Variants in PTPRG observed in about 807,000 individuals in gnomAD.
PTPRG encodes receptor-type tyrosine-protein phosphatase gamma.
Under a neutral mutation model 165.3 loss-of-function variants are expected in PTPRG, and 102 were observed. The ratio of observed to expected loss-of-function variants is 0.62; its 90% confidence interval spans 0.53 to 0.73. The LOEUF (loss-of-function observed/expected upper bound fraction) is 0.73, where lower values mean the gene tolerates loss of function less well. PTPRG is among the 30% of genes least tolerant of loss of function. The pLI is 0.00. For missense variants in PTPRG, 1,866 were observed against 1,861.4 expected, an observed-to-expected ratio of 1.00 and a Z score of -0.05; for synonymous variants, 675 against 669.5, an observed-to-expected ratio of 1.01 and a Z score of -0.13.
At chr3:61,988,968 T>G (rs1026699704) in intron 2 of PTPRG, among the ~76,000 whole-genome samples, 1 of 152,208 alleles carries the variant, frequency 6.6e-6, no homozygotes, top group Non-Finnish European at 1.5e-5. Flanking sequence ...ATTCTTTATT[T>G]ATATGAGTAC....
At chr3:62,115,752 G>A (rs1008795173) in intron 5 of PTPRG, among the ~76,000 whole-genome samples, 1 of 151,726 alleles carries the variant, frequency 6.6e-6, no homozygotes, top group Non-Finnish European at 1.5e-5. Context: ...GCCCAGGCAG[G>A]TCTTGAACTC....
chr3:61,826,424 T>C (rs1159693091), intron 2 of PTPRG, among the ~76,000 whole-genome samples: 2 of 152,100 alleles, frequency 1.3e-5, no homozygotes, highest in Non-Finnish European at 2.9e-5. Flanking sequence ...CATTGGGAAA[T>C]GCATTTATCC....
chr3:61,927,157 C>T (rs576666022), intron 2 of PTPRG, among the ~76,000 whole-genome samples: 1 of 152,150 alleles, frequency 6.6e-6, no homozygotes, highest in Non-Finnish European at 1.5e-5. Flanking sequence ...TTCATTTGAT[C>T]TTTTCCATCG....
At chr3:62,244,582 A>G (rs1701248473) in intron 15 of PTPRG, among the ~76,000 whole-genome samples, 1 of 152,144 alleles carries the variant, frequency 6.6e-6, no homozygotes, top group Non-Finnish European at 1.5e-5. Context: ...TTTTAGATAC[A>G]TCTATCCTCT....
intron 2 of PTPRG, among the ~76,000 whole-genome samples, chr3:61,827,008 A>T (rs1331317879): frequency 6.6e-6 from 1 of 152,158 alleles, no homozygotes; most frequent in Non-Finnish European, 1.5e-5. Context: ...TCTCAAACTC[A>T]ATCAGGCAAC....
intron 2 of PTPRG, among the ~76,000 whole-genome samples, chr3:61,778,837 A>G (rs1402493275): frequency 1.3e-5 from 2 of 152,110 alleles, no homozygotes; most frequent in East Asian, 3.9e-4. Context: ...ACCAACAAGT[A>G]TCAGGACCAC....
At chr3:62,105,955 A>T (rs1702459647) in intron 5 of PTPRG, among the ~76,000 whole-genome samples, 1 of 152,240 alleles carries the variant, frequency 6.6e-6, no homozygotes, top group Non-Finnish European at 1.5e-5. Context: ...GATGTCTGGT[A>T]GGATTAGTTT....
In PTPRG at chr3:61,759,656, AAATAAT is replaced by A. The variant is rs1409445232; in HGVS notation, c.190+10683_190+10688del. 3.3e-5 allele frequency among the ~76,000 whole-genome samples: 5 copies of A among 152,220 alleles called. No homozygotes were observed. The East Asian group carries it at 5.8e-4, about 18-fold the overall frequency. Reference sequence around the variant, plus strand: ...GTGGCAGAGTGAGACCCTGTCTCAAAAATAATAATAATAAGAATACTAACAATGTAT... The same window carrying A: ...GTGGCAGAGTGAGACCCTGTCTCAAAAATAATAAGAATACTAACAATGTAT... On this transcript the variant is annotated intron_variant, in intron 2 of 29. Transcript: ENST00000474889.
chr3:61,595,048 T>C (rs1361300910), intron 1 of PTPRG, among the ~76,000 whole-genome samples: 1 of 152,208 alleles, frequency 6.6e-6, no homozygotes, highest in Admixed American at 6.5e-5. Flanking sequence ...TATTTACAGA[T>C]GTTTGTCATT....
At chr3:61,845,787 G>A (rs1163787015) in intron 2 of PTPRG, among the ~76,000 whole-genome samples, 3 of 152,144 alleles carry the variant, frequency 2.0e-5, no homozygotes, top group Non-Finnish European at 4.4e-5. Context: ...TAAGTTGTAC[G>A]AAATCAAATG....
At chr3:62,152,048 C>T (rs767039060) in intron 6 of PTPRG, among the ~76,000 whole-genome samples, 1 of 152,096 alleles carries the variant, frequency 6.6e-6, no homozygotes, top group Middle Eastern at 3.2e-3. Flanking sequence ...GCACTTCTCC[C>T]CATTTTATAA....
At chr3:61,600,196 G>A (rs919566027) in intron 1 of PTPRG, among the ~76,000 whole-genome samples, 3 of 148,618 alleles carry the variant, frequency 2.0e-5, no homozygotes, top group East Asian at 2.0e-4. Context: ...ATATATATGT[G>A]TGTGTGTGTG....
intron 4 of PTPRG, among the ~76,000 whole-genome samples, chr3:62,049,370 GAGAAGGATTTATTC>G (rs1700399577): frequency 6.6e-6 from 1 of 152,184 alleles, no homozygotes; most frequent in Non-Finnish European, 1.5e-5. Context: ...ATACTGGGTA[GAGAAGGATTTATTC>G]AGAAGTAATT....
intron 23 of PTPRG, among the ~76,000 whole-genome samples, chr3:62,275,092 T>C (rs1001874264): frequency 2.6e-5 from 4 of 152,154 alleles, no homozygotes; most frequent in Admixed American, 1.3e-4. Flanking sequence ...ACTGATCTCA[T>C]ATACTCCATT....
At chr3:61,565,067 C>T (rs1309586254) in intron 1 of PTPRG, among the ~76,000 whole-genome samples, 3 of 152,180 alleles carry the variant, frequency 2.0e-5, no homozygotes, top group African/African-American at 7.2e-5. Flanking sequence ...TTTGTGTTTC[C>T]TCTCAGAATC....
chr3:61,963,106 A>G (rs1314538206), intron 2 of PTPRG, among the ~76,000 whole-genome samples: 3 of 152,164 alleles, frequency 2.0e-5, no homozygotes, highest in Non-Finnish European at 2.9e-5. Context: ...ATTAAATTAT[A>G]TATGTTCGTA....
intron 7 of PTPRG, among the ~76,000 whole-genome samples, chr3:62,167,104 G>T (rs1705019118): frequency 6.6e-6 from 1 of 152,120 alleles, no homozygotes; most frequent in Non-Finnish European, 1.5e-5. Context: ...TAATAATAAT[G>T]ATGATAGCTA....
rs532356516 is a variant in PTPRG, at chr3:61,866,582, C to CTTTTTTTTTTTTTTTTTTTTTTTT, written c.190+117613_190+117636dup. Among the ~76,000 whole-genome samples the CTTTTTTTTTTTTTTTTTTTTTTTT allele has an allele frequency of 8.7e-5, 6 of 69,068 alleles. 1 individual carries two copies. The highest frequency in any genetic ancestry group is 2.6e-4 in the African/African-American group (6 of 23,426). 45.3% of individuals were successfully genotyped at this position (69,068 alleles called of 152,430 possible). ...TTCCCTGGCTTTGGAACTGTTTGCT[C>CTTTTTTTTTTTTTTTTTTTTTTTT]TTTTTTTTTTTTTTTTTTTTTTTTT... On this transcript the variant is annotated intron_variant, in intron 2 of 29. Coordinates refer to ENST00000474889, the MANE Select transcript of PTPRG (RefSeq NM_002841.4).
In PTPRG at chr3:62,037,278, C is replaced by A. The variant is rs116786267; in HGVS notation, c.519+33781C>A. On this transcript the variant is annotated intron_variant, in intron 4 of 29. Coordinates refer to ENST00000474889, the MANE Select transcript of PTPRG (RefSeq NM_002841.4). Reference sequence around the variant, plus strand: ...ACAAGTTATTTTTATTGACATGGTGCCAGATCACCAGGTTGGTGGAACTTG... The same window carrying A: ...ACAAGTTATTTTTATTGACATGGTGACAGATCACCAGGTTGGTGGAACTTG... Among the ~76,000 whole-genome samples, 477 of 152,178 alleles carry A rather than the reference C, an allele frequency of 3.1e-3. 2 individuals are homozygous for A. Among genetic ancestry groups the A allele is most frequent in the African/African-American group, 0.011 (457 of 41,518 alleles).
Sources: gnomAD v4.1 joint callset for allele counts (sites outside exome capture counted in the v4.1 genomes callset) on GRCh38, gnomAD v4.1.1 for gene constraint, MANE v1.5 for transcripts, NCBI Gene and HGNC (gene_info 2026-07-23, HGNC 2026-07-21) for gene names.